The following KCNQ4 variants were observed in gnomAD, a reference collection of about 807,000 sequenced individuals.
The protein encoded by KCNQ4 is potassium voltage-gated channel subfamily Q member 4.
KCNQ4 carries 31 observed loss-of-function variants against 72.6 expected under a neutral mutation model. The ratio of observed to expected loss-of-function variants is 0.43; its 90% CI spans 0.32 to 0.58. KCNQ4 has a LOEUF of 0.58. KCNQ4 is among the 20% of genes least tolerant of loss of function. The probability of loss-of-function intolerance (pLI) is 0.08; values close to 1 mark genes in which losing one functional copy is unlikely to be tolerated. For missense variants in KCNQ4, 869 were observed against 962.6 expected (o/e 0.90, Z 1.29); for synonymous variants, 405 against 403.7 (o/e 1.00, Z -0.04).
In KCNQ4 at chr1:40,805,643, A is replaced by G. The variant is rs571743733; in HGVS notation, c.315-11622A>G. 5.3e-4 allele frequency among the ~76,000 whole-genome samples: 80 copies of G among 152,246 alleles called. No homozygotes were observed. In the Middle Eastern group the frequency reaches 0.01, roughly 19 times the overall value. On this transcript the variant is annotated intron_variant, in intron 1 of 13. Transcript: ENST00000347132. The stretch of plus-strand genomic sequence containing the variant: ...GCATGAGTAAAGGTGGGGAGGGGAA[A>G]AGAGCGCGTTTGCCATTGTCAGGGA...
At position 40,784,587 on chromosome 1, in the gene KCNQ4, A is replaced by T. The variant is rs1647185535; in HGVS notation, c.314+180A>T. Among the ~76,000 whole-genome samples the T allele has an allele frequency of 6.6e-6, 1 of 151,124 alleles. No homozygotes were observed. Among genetic ancestry groups the T allele is most frequent in the South Asian group, 2.1e-4 (1 of 4,778 alleles). On this transcript the variant is annotated intron_variant, in intron 1 of 13. Transcript: ENST00000347132. The surrounding 1 kb of genome is among the most constrained non-coding windows in gnomAD (Gnocchi z 4.1). Reference sequence around the variant, plus strand: ...TCGCTGAGCCCGACCCTAAGCCCTGATCTCCCAGGCCTGACCCCTGCTTGA... The same window carrying T: ...TCGCTGAGCCCGACCCTAAGCCCTGTTCTCCCAGGCCTGACCCCTGCTTGA...
At chr1:40,815,410 C>T (rs1049624270) in intron 1 of KCNQ4, among the ~76,000 whole-genome samples, 15 of 152,104 alleles carry the variant, frequency 9.9e-5, no homozygotes, top group African/African-American at 3.1e-4. Flanking sequence ...GTGGCCATTC[C>T]CCGAGGAGAG....
chr1:40,831,892 T>C (rs1358021048), intron 10 of KCNQ4, among the ~76,000 whole-genome samples: 1 of 152,216 alleles, frequency 6.6e-6, no homozygotes, highest in Non-Finnish European at 1.5e-5. Flanking sequence ...GTCCCCACTT[T>C]ACAGACGTGG....
At chr1:40,826,203 G>A (rs1404346963) in intron 9 of KCNQ4, among the ~76,000 whole-genome samples, 1 of 152,206 alleles carries the variant, frequency 6.6e-6, no homozygotes, top group Non-Finnish European at 1.5e-5. Flanking sequence ...GGATGGACCT[G>A]GGCCAAGTGT....
At chr1:40,811,344 C>T (rs1647925810) in intron 1 of KCNQ4, among the ~76,000 whole-genome samples, 1 of 152,202 alleles carries the variant, frequency 6.6e-6, no homozygotes, top group African/African-American at 2.4e-5. Flanking sequence ...AAGCCCTGAG[C>T]TGGCTAATAA....
rs1486080741 is a variant in KCNQ4, at chr1:40,820,194, G to A, written c.975G>A (p.Lys325=). Residue 325 remains lysine (K), a synonymous_variant, in exon 7 of 14, where the codon AAG becomes AAA. Transcript: ENST00000347132. Reference sequence around the variant, plus strand: ...TCCTAGGCTCCGGCTTTGCCCTGAAGGTCCAGGAGCAGCACCGGCAGAAGC... The same window carrying A: ...TCCTAGGCTCCGGCTTTGCCCTGAAAGTCCAGGAGCAGCACCGGCAGAAGC... ...AGILGSGFAL[K]VQEQHRQKHF... is the part of the protein sequence containing the mutation. 1 of 1,610,538 alleles carries A rather than the reference G, an allele frequency of 6.2e-7. No individual in the cohort carries two copies. Among genetic ancestry groups the A allele is most frequent in the African/African-American group, 1.3e-5 (1 of 74,926 alleles).
chr1:40,820,242 G>A lies in KCNQ4; in HGVS notation c.1023G>A (p.Pro341=), dbSNP rs777082097. The A allele has an allele frequency of 8.1e-6, 13 of 1,607,048 alleles. No individual in the cohort carries two copies. The highest frequency in any genetic ancestry group is 5.1e-5 in the Admixed American group (3 of 59,266). The change falls in exon 7 of 14, where the codon CCG becomes CCA. Residue 341 remains proline, a synonymous_variant. Coordinates refer to ENST00000347132, the MANE Select transcript of KCNQ4 (RefSeq NM_004700.4). ...AGCACTTCGAGAAGCGGAGGATGCC[G>A]GCAGCCAACCTCATCCAGGTACAAG... ...RQKHFEKRRM[P]AANLIQAAWR...
chr1:40,814,979 C>A (rs6683616), intron 1 of KCNQ4, among the ~76,000 whole-genome samples: 3 of 151,854 alleles, frequency 2.0e-5, no homozygotes, highest in African/African-American at 7.3e-5. Flanking sequence ...TGGTGGCTCA[C>A]GCCTGTAATC....
chr1:40,804,641 C>A (rs1208687779), intron 1 of KCNQ4, among the ~76,000 whole-genome samples: 1 of 151,286 alleles, frequency 6.6e-6, no homozygotes, highest in East Asian at 1.9e-4. Flanking sequence ...CATGGGGAGA[C>A]CCTGTCTCTA....
Position 40,838,369 on chromosome 1 carries a change from G to T in KCNQ4, c.1934G>T (p.Arg645Leu). 2 of 1,613,962 alleles carry T rather than the reference G, an allele frequency of 1.2e-6. No homozygotes were observed. Among genetic ancestry groups the T allele is most frequent in the Non-Finnish European group, 1.7e-6 (2 of 1,179,940 alleles). ...LLLGFYSRCL[R>L]SGTSASLGAV... ...TTGGGCTTCTATTCGCGCTGCCTGC[G>T]CTCTGGCACCTCGGCCAGCCTGGGC... The change falls in exon 14 of 14, where the codon CGC (arginine) becomes CTC (leucine). Residue 645 changes from arginine to leucine, a missense_variant. By Grantham distance (102) the Arg-to-Leu change is moderately radical. Transcript: ENST00000347132.
At chr1:40,799,798 C>T (rs371771838) in intron 1 of KCNQ4, among the ~76,000 whole-genome samples, 1 of 152,230 alleles carries the variant, frequency 6.6e-6, no homozygotes, top group Non-Finnish European at 1.5e-5. Context: ...CACTGGCCTC[C>T]CGGTAACCTC....
At position 40,801,229 on chromosome 1, in the gene KCNQ4, G is replaced by C. The variant is rs1647565741; in HGVS notation, c.315-16036G>C. ...GCTGACCAGGAATGGGACTTGAGGG[G>C]CTAGGAAGAAAGAGGGGATCTTAAC... On this transcript the variant is annotated intron_variant, in intron 1 of 13. Transcript: ENST00000347132. 4.0e-5 allele frequency among the ~76,000 whole-genome samples: 6 copies of C among 151,794 alleles called. No homozygotes were observed. The South Asian group carries it at 1.3e-3, about 32-fold the overall frequency.
chr1:40,812,584 A>C (rs1647961599), intron 1 of KCNQ4, among the ~76,000 whole-genome samples: 1 of 152,210 alleles, frequency 6.6e-6, no homozygotes, highest in South Asian at 2.1e-4. Context: ...CTATTAGTCC[A>C]AGTATATCCC....
intron 1 of KCNQ4, among the ~76,000 whole-genome samples, chr1:40,800,702 C>T (rs1557994770): frequency 6.6e-6 from 1 of 152,190 alleles, no homozygotes; most frequent in East Asian, 1.9e-4. Context: ...CTGGGGCCAG[C>T]CTGGGGGTTG....
chr1:40,822,226 C>T, intron 7 of KCNQ4, 88 bp from the exon 8 acceptor site: 4 of 1,141,162 alleles, frequency 3.5e-6, no homozygotes, highest in Non-Finnish European at 5.3e-6. Context: ...ACAACTGGAC[C>T]AAGGACTGGG....
chr1:40,818,015 C>T (rs1314477482), intron 2 of KCNQ4, 149 bp from the exon 3 acceptor site: 2 of 995,414 alleles, frequency 2.0e-6, no homozygotes, highest in Non-Finnish European at 3.1e-6. Flanking sequence ...CACCTGCCCT[C>T]CGGAATCGTC....
At chr1:40,816,144 G>A (rs963330386) in intron 1 of KCNQ4, among the ~76,000 whole-genome samples, 3 of 152,166 alleles carry the variant, frequency 2.0e-5, no homozygotes, top group African/African-American at 4.8e-5. Context: ...TGCCAGCAAC[G>A]GTGCAGAGGT....
intron 5 of KCNQ4, 147 bp from the exon 6 acceptor site, chr1:40,819,727 AG>A (rs1400527548): frequency 3.7e-6 from 3 of 820,106 alleles, no homozygotes; most frequent in Non-Finnish European, 6.4e-6. Flanking sequence ...AGCCCAGGAG[AG>A]GGAGAATCCA....
intron 1 of KCNQ4, among the ~76,000 whole-genome samples, chr1:40,807,442 G>A (rs1647797625): frequency 6.6e-6 from 1 of 152,108 alleles, no homozygotes; most frequent in Non-Finnish European, 1.5e-5. Context: ...CGGCCCTGGT[G>A]TGGGGCCCTG....
Sources: allele counts gnomAD v4.1 joint callset (sites outside exome capture counted in the v4.1 genomes callset), GRCh38; gene constraint gnomAD v4.1.1; non-coding constraint Gnocchi (gnomAD v3.1); transcripts MANE v1.5; gene names NCBI Gene and HGNC (gene_info 2026-07-23, HGNC 2026-07-21).